OTUD7A: variants seen among roughly 807,000 people sequenced by gnomAD.
OTUD7A encodes OTU deubiquitinase 7A.
In OTUD7A, 12 loss-of-function variants were observed where a neutral mutation model predicts 65.7. The ratio of observed to expected loss-of-function variants is 0.18; its 90% CI spans 0.12 to 0.30. The LOEUF is 0.30. Ranked by LOEUF, OTUD7A falls within the 10% of genes least tolerant of loss-of-function variation. OTUD7A has a pLI of 1.00. For missense variants in OTUD7A, 1,148 were observed against 1,304.8 expected (o/e 0.88, Z 1.85); for synonymous variants, 641 against 586.3 (o/e 1.09, Z -1.35).
At chr15:31,808,327 AAC>A (rs1402189059) in intron 1 of OTUD7A, among the ~76,000 whole-genome samples, 1 of 152,152 alleles carries the variant, frequency 6.6e-6, no homozygotes, top group East Asian at 1.9e-4. Context: ...GGCTTCTTGA[AAC>A]ACAACTAAGC....
chr15:31,549,766 A>G (rs1352161730), intron 5 of OTUD7A, among the ~76,000 whole-genome samples: 5 of 152,174 alleles, frequency 3.3e-5, no homozygotes, highest in Non-Finnish European at 7.3e-5. Context: ...GCCAAACAGT[A>G]AACAACCCAA....
intron 1 of OTUD7A, among the ~76,000 whole-genome samples, chr15:31,703,325 A>C (rs1235231354): frequency 1.3e-5 from 2 of 152,220 alleles, no homozygotes; most frequent in Non-Finnish European, 2.9e-5. Flanking sequence ...AAATATTTGC[A>C]AACCATGTAT....
intron 1 of OTUD7A, among the ~76,000 whole-genome samples, chr15:31,674,126 C>A (rs1438504260): frequency 6.6e-6 from 1 of 152,146 alleles, no homozygotes; most frequent in East Asian, 1.9e-4. Context: ...GTTCTCTGTG[C>A]CTGGCAGATG....
At chr15:31,727,419 C>CT (rs11418682) in intron 1 of OTUD7A, among the ~76,000 whole-genome samples, 106,382 of 151,956 alleles carry the variant, frequency 0.7, 37,585 homozygotes, top group South Asian at 0.8. Context: ...ATCCACCCTC[C>CT]TTTTTTTCCC....
rs550323391 is a variant in OTUD7A, at chr15:31,767,108, A to G, written c.-100+103399T>C. On this transcript the variant is annotated intron_variant, in intron 1 of 12. Transcript: ENST00000307050. Reference sequence around the variant, plus strand: ...ATCTGTAGTCTCTCAGTAGAATCTGATTCTTCTTTATTTTTTTTTCTCTAC... The same window carrying G: ...ATCTGTAGTCTCTCAGTAGAATCTGGTTCTTCTTTATTTTTTTTTCTCTAC... 2,406 of 1,546,896 alleles carry G rather than the reference A, an allele frequency of 1.6e-3. 1 individual carries two copies. The highest frequency in any genetic ancestry group is 1.8e-3 in the Non-Finnish European group (2,076 of 1,134,054).
At chr15:31,799,466 G>A (rs1896061790) in intron 1 of OTUD7A, among the ~76,000 whole-genome samples, 1 of 152,120 alleles carries the variant, frequency 6.6e-6, no homozygotes, top group Admixed American at 6.5e-5. Flanking sequence ...GAAGATAATT[G>A]TTTAGATGAG....
At chr15:31,677,596 C>T (rs563661818) in intron 1 of OTUD7A, among the ~76,000 whole-genome samples, 1 of 152,206 alleles carries the variant, frequency 6.6e-6, no homozygotes, top group Non-Finnish European at 1.5e-5. Context: ...CCTGGCATTT[C>T]CCCTGCTTGT....
At chr15:31,742,135 A>G (rs1034074040) in intron 1 of OTUD7A, among the ~76,000 whole-genome samples, 1 of 152,086 alleles carries the variant, frequency 6.6e-6, no homozygotes, top group Non-Finnish European at 1.5e-5. Flanking sequence ...ACAAATAAAG[A>G]AATAATTCAG....
intron 5 of OTUD7A, among the ~76,000 whole-genome samples, chr15:31,549,842 T>A (rs181631141): frequency 1.3e-5 from 2 of 152,086 alleles, no homozygotes; most frequent in East Asian, 3.9e-4. Flanking sequence ...TGGTGTGGGG[T>A]CCTGGATGGC....
chr15:31,766,921 T>C (rs1281868247), intron 1 of OTUD7A: 18 of 1,610,228 alleles, frequency 1.1e-5, no homozygotes, highest in Middle Eastern at 1.6e-4. Flanking sequence ...TTCCAAAGAA[T>C]AGCACCTTGG....
At chr15:31,821,390 T>G (rs1896680116) in intron 1 of OTUD7A, among the ~76,000 whole-genome samples, 1 of 150,734 alleles carries the variant, frequency 6.6e-6, no homozygotes, top group South Asian at 2.1e-4. Flanking sequence ...ATGATCTGTC[T>G]GCCTCGGCCT....
At chr15:31,584,684 A>T (rs1471950824) in intron 3 of OTUD7A, among the ~76,000 whole-genome samples, 1 of 152,182 alleles carries the variant, frequency 6.6e-6, no homozygotes, top group African/African-American at 2.4e-5. Context: ...GGAACATGTC[A>T]CCAGCAGCAA....
intron 1 of OTUD7A, among the ~76,000 whole-genome samples, chr15:31,673,519 C>G (rs1179807975): frequency 6.6e-6 from 1 of 152,188 alleles, no homozygotes; most frequent in Non-Finnish European, 1.5e-5. Context: ...CAATTCTAAA[C>G]CCTCAGCATT....
chr15:31,631,096 T>G (rs1891134675), intron 3 of OTUD7A, among the ~76,000 whole-genome samples: 1 of 152,238 alleles, frequency 6.6e-6, no homozygotes, highest in African/African-American at 2.4e-5. Flanking sequence ...CATTTAAAGT[T>G]AATATTGTTA....
chr15:31,660,134 A>G (rs1892118975), intron 1 of OTUD7A, among the ~76,000 whole-genome samples: 1 of 152,386 alleles, frequency 6.6e-6, no homozygotes, highest in South Asian at 2.1e-4. Flanking sequence ...GACTACCCAT[A>G]CATTTATACA....
At position 31,796,791 on chromosome 15, in the gene OTUD7A, G is replaced by A. The variant is rs539118422; in HGVS notation, c.-100+73716C>T. 2.0e-5 allele frequency among the ~76,000 whole-genome samples: 3 copies of A among 152,330 alleles called. No homozygotes were observed. The South Asian group carries it at 6.2e-4, about 32-fold the overall frequency. On this transcript the variant is annotated intron_variant, in intron 1 of 12. Coordinates refer to ENST00000307050, the MANE Select transcript of OTUD7A (RefSeq NM_001382637.1). ...GCTCTGTTGCCCAGTCTGGAGTACA[G>A]TGGTGCAATCTCAGCTCACTGCAAC...
At position 31,530,777 on chromosome 15, in the gene OTUD7A, C is replaced by T. The variant is rs548356332; in HGVS notation, c.582G>A (p.Thr194=). 3.0e-5 allele frequency: 49 copies of T among 1,613,982 alleles called. No individual in the cohort carries two copies. The highest frequency in any genetic ancestry group is 6.7e-5 in the Admixed American group (4 of 60,002). Residue 194 remains threonine (T), a synonymous_variant, in exon 6 of 13, where the codon ACG becomes ACA. Coordinates refer to ENST00000307050, the MANE Select transcript of OTUD7A (RefSeq NM_001382637.1). ...GRLNWWSTVC[T]SCKRLLPLAT... The stretch of plus-strand genomic sequence containing the variant: ...CCAGAGGAAGAAGCCGTTTACAGCT[C>T]GTGCACACAGTGGACCACCAGTTCA...
At chr15:31,624,889 G>T (rs1196294649) in intron 3 of OTUD7A, among the ~76,000 whole-genome samples, 1 of 152,086 alleles carries the variant, frequency 6.6e-6, no homozygotes, top group Non-Finnish European at 1.5e-5. Context: ...TCCCCACGGG[G>T]TGGCCACCCT....
chr15:31,788,892 A>C (rs1011199118), intron 1 of OTUD7A, among the ~76,000 whole-genome samples: 1 of 152,112 alleles, frequency 6.6e-6, no homozygotes, highest in Non-Finnish European at 1.5e-5. Context: ...TTTAATGTTC[A>C]TTTTGCATAT....
Sources: allele counts gnomAD v4.1 joint callset (sites outside exome capture counted in the v4.1 genomes callset), GRCh38; gene constraint gnomAD v4.1.1; transcripts MANE v1.5; gene names NCBI Gene and HGNC (gene_info 2026-07-23, HGNC 2026-07-21).